Variants in MORC1 observed in about 807,000 individuals in gnomAD.
MORC1 encodes the protein MORC family CW-type zinc finger 1.
Under a neutral mutation model 134.9 loss-of-function variants are expected in MORC1, and 59 were observed. The ratio of observed to expected loss-of-function variants is 0.44; its 90% CI spans 0.35 to 0.54. MORC1 has a LOEUF of 0.54. MORC1 is among the 20% of genes least tolerant of loss of function. The pLI is 0.00. For missense variants in MORC1, 947 were observed against 1,134.5 expected (o/e 0.83, Z 2.37); for synonymous variants, 395 against 391.7 (o/e 1.01, Z -0.10).
intron 18 of MORC1, 113 bp from the exon 19 acceptor site, chr3:109,005,428 T>C: frequency 9.7e-7 from 1 of 1,025,746 alleles, no homozygotes; most frequent in Non-Finnish European, 1.3e-6. Flanking sequence ...TACTAAAAAG[T>C]TTTTAAATCA....
At chr3:109,072,968 C>CACACACACACACAT (rs2107714926) in intron 8 of MORC1, among the ~76,000 whole-genome samples, 1 of 22,372 alleles carries the variant, frequency 4.5e-5, no homozygotes, top group African/African-American at 5.6e-5. Flanking sequence ...CACACACATA[C>CACACACACACACAT]ACACACACAC....
chr3:109,110,752 A>G lies in MORC1; in HGVS notation c.151T>C (p.Ser51Pro). ...AGAAGAAAGCAAATCTGCTCACCTG[A>G]AAAGACATCAAGTCTTTCAGCCCCT... ...DAGAERLDVF[S>P]VDNEKLQGGF... The change falls in exon 3 of 28, where the codon TCA becomes CCA. Residue 51 changes from serine to proline, a missense_variant. Physicochemically the swap from Ser to Pro is moderately conservative, Grantham distance 74 (BLOSUM62 -1). Around this residue, in one of 3 missense-constraint regions of MORC1, gnomAD observed 214 missense variants for 281.3 expected, o/e 0.76. Coordinates refer to ENST00000232603, the MANE Select transcript of MORC1 (RefSeq NM_014429.4). The G allele has an allele frequency of 1.3e-6, 2 of 1,586,512 alleles. No homozygotes were observed. Among genetic ancestry groups the G allele is most frequent in the African/African-American group, 1.4e-5 (1 of 73,242 alleles).
At chr3:109,012,440 A>C (rs1160124538) in intron 17 of MORC1, among the ~76,000 whole-genome samples, 1 of 152,138 alleles carries the variant, frequency 6.6e-6, no homozygotes, top group African/African-American at 2.4e-5. Context: ...ATGCCATATA[A>C]ATTTTAGAAT....
intron 14 of MORC1, among the ~76,000 whole-genome samples, chr3:109,053,017 G>C (rs1949865521): frequency 6.6e-6 from 1 of 151,294 alleles, no homozygotes; most frequent in African/African-American, 2.4e-5. Context: ...GAAAAAAAAT[G>C]GTCCACATCA....
chr3:108,987,401 T>C (rs1001663870), intron 21 of MORC1, among the ~76,000 whole-genome samples: 4 of 152,088 alleles, frequency 2.6e-5, no homozygotes, highest in African/African-American at 7.2e-5. Flanking sequence ...TTTGAAGAGT[T>C]TGGGGCTGGG....
chr3:109,066,674 C>T (rs373815710), intron 9 of MORC1, among the ~76,000 whole-genome samples: 11 of 152,198 alleles, frequency 7.2e-5, no homozygotes, highest in Non-Finnish European at 1.3e-4. Flanking sequence ...CTTGCTCTTA[C>T]GCATTTGTAT....
chr3:109,114,162 A>C (rs1206276559), intron 2 of MORC1, among the ~76,000 whole-genome samples: 1 of 152,260 alleles, frequency 6.6e-6, no homozygotes, highest in Non-Finnish European at 1.5e-5. Context: ...ATTAACATAA[A>C]AACAGACTTC....
At chr3:109,040,423 GGAAGGAAAGAAA>G (rs1318429581) in intron 14 of MORC1, among the ~76,000 whole-genome samples, 3 of 30,988 alleles carry the variant, frequency 9.7e-5, no homozygotes, top group African/African-American at 2.6e-4. Context: ...AAGGAAGGAA[GGAAGGAAAGAAA>G]GAAAGAAAGA....
At chr3:109,012,635 G>A (rs558551417) in intron 17 of MORC1, among the ~76,000 whole-genome samples, 25 of 152,122 alleles carry the variant, frequency 1.6e-4, no homozygotes, top group African/African-American at 2.2e-4. Flanking sequence ...CATGTATTTC[G>A]TCAACGTTAT....
At chr3:109,116,103 T>C (rs756046520) in intron 1 of MORC1, among the ~76,000 whole-genome samples, 3 of 152,152 alleles carry the variant, frequency 2.0e-5, no homozygotes, top group Non-Finnish European at 2.9e-5. Context: ...AATGAGGGCA[T>C]GGCTGGGTCA....
intron 15 of MORC1, among the ~76,000 whole-genome samples, chr3:109,034,381 C>A (rs1949321024): frequency 6.6e-6 from 1 of 152,160 alleles, no homozygotes; most frequent in South Asian, 2.1e-4. Flanking sequence ...TAGAGACTGT[C>A]TTTAACTCCC....
intron 6 of MORC1, among the ~76,000 whole-genome samples, chr3:109,097,192 A>G (rs1476149528): frequency 2.0e-5 from 3 of 152,198 alleles, no homozygotes; most frequent in African/African-American, 4.8e-5. Flanking sequence ...AAGCAAACAA[A>G]CAAACAAAAA....
chr3:109,007,009 A>C lies in MORC1; in HGVS notation c.1767+20T>G. ...GTTAAAACATGACACAAATTGCTTA[A>C]TCCTATATTAATTACTCACCTTATG... On this transcript the variant is annotated intron_variant, in intron 18 of 27. Transcript: ENST00000232603. 6.3e-7 allele frequency: 1 copy of C among 1,585,430 alleles called. No individual in the cohort carries two copies. Among genetic ancestry groups the C allele is most frequent in the Non-Finnish European group, 8.6e-7 (1 of 1,162,656 alleles).
intron 21 of MORC1, among the ~76,000 whole-genome samples, chr3:108,995,622 G>A (rs886510156): frequency 2.0e-5 from 3 of 152,156 alleles, no homozygotes; most frequent in Non-Finnish European, 4.4e-5. Context: ...GAGACCCCAA[G>A]AAGATGAGCC....
chr3:109,078,501 A>G (rs1426276018), intron 8 of MORC1, among the ~76,000 whole-genome samples: 2 of 152,018 alleles, frequency 1.3e-5, no homozygotes, highest in East Asian at 3.8e-4. Context: ...AGAAATAAAC[A>G]ACAGTAAGAG....
At chr3:109,048,992 T>C (rs895498792) in intron 14 of MORC1, 4 of 199,886 alleles carry the variant, frequency 2.0e-5, no homozygotes, top group Non-Finnish European at 3.6e-5. Context: ...ATTGATAATA[T>C]TTTTAAGTAA....
chr3:109,066,572 C>T (rs987898979), intron 9 of MORC1, among the ~76,000 whole-genome samples: 1 of 152,200 alleles, frequency 6.6e-6, no homozygotes, highest in Non-Finnish European at 1.5e-5. Flanking sequence ...AGGCGTGAGC[C>T]ACTGCACCCA....
Position 108,980,851 on chromosome 3 carries a change from G to A in MORC1, c.2325-1184C>T, listed in dbSNP as rs560579913. Among the ~76,000 whole-genome samples, 15 of 152,288 alleles carry A rather than the reference G, an allele frequency of 9.8e-5. No individual in the cohort carries two copies. The South Asian group carries it at 3.1e-3, about 32-fold the overall frequency. On this transcript the variant is annotated intron_variant, in intron 23 of 27. Transcript: ENST00000232603. ...ATGTTCAGAGCTACTGGGCTGGAGT[G>A]AGCAGGAAGCAGATGGAAAGAGATG...
rs998730332 is a variant in MORC1, at chr3:108,958,316, T to G, written c.*649A>C. 2 of 152,002 alleles carry G rather than the reference T, an allele frequency of 1.3e-5. No homozygotes were observed. The highest frequency in any genetic ancestry group is 4.8e-5 in the African/African-American group (2 of 41,418). 9.4% of individuals were successfully genotyped at this position (152,002 alleles called of 1,614,324 possible). On this transcript the variant is annotated 3_prime_UTR_variant, in exon 28 of 28. Coordinates refer to ENST00000232603, the MANE Select transcript of MORC1 (RefSeq NM_014429.4). ...TTTCTAAACAAAAAAAAAACACTTA[T>G]CAAGAAAAGTGTAAAAACATACTTC...
Sources: gnomAD v4.1 joint callset for allele counts (sites outside exome capture counted in the v4.1 genomes callset) on GRCh38, gnomAD v4.1.1 for gene constraint, gnomAD v4.1.1 regional missense constraint, MANE v1.5 for transcripts, NCBI Gene and HGNC (gene_info 2026-07-23, HGNC 2026-07-21) for gene names.